AK9: variants seen among roughly 807,000 people sequenced by gnomAD.
The protein encoded by AK9 is adenylate kinase 9.
Under a neutral mutation model 239.6 loss-of-function variants are expected in AK9, and 191 were observed. The observed-to-expected ratio is 0.80, with a 90% CI of 0.71 to 0.90. AK9 has a LOEUF of 0.90. Ranked by LOEUF, AK9 falls within the 40% of genes least tolerant of loss-of-function variation. AK9 has a pLI of 0.00. For synonymous variants in AK9, 689 were observed against 721.0 expected (o/e 0.96, Z 0.71); for missense variants, 1,995 against 2,214.7 (o/e 0.90, Z 1.99).
intron 5 of AK9, among the ~76,000 whole-genome samples, chr6:109,664,693 T>G (rs71541004): frequency 0.58 from 87,930 of 151,062 alleles, 27,237 homozygotes; most frequent in South Asian, 0.84. Flanking sequence ...AAAGTGCTGG[T>G]ATTACAGGCA....
chr6:109,557,630 C>T (rs1785166733), intron 24 of AK9, among the ~76,000 whole-genome samples: 1 of 152,130 alleles, frequency 6.6e-6, no homozygotes, highest in African/African-American at 2.4e-5. Context: ...CTGCAGTCAC[C>T]CCTCCTCCTA....
chr6:109,638,623 G>A, intron 10 of AK9, among the ~76,000 whole-genome samples: 1 of 152,094 alleles, frequency 6.6e-6, no homozygotes, highest in Non-Finnish European at 1.5e-5. Flanking sequence ...GGGACGATGG[G>A]CATGTGCTAT....
At chr6:109,616,897 T>C (rs987162407) in intron 13 of AK9, among the ~76,000 whole-genome samples, 11 of 152,146 alleles carry the variant, frequency 7.2e-5, no homozygotes, top group African/African-American at 2.7e-4. Flanking sequence ...ATTAGCTCTC[T>C]GGAAAACCCA....
rs1288259860 is a variant in AK9 at position 109,660,891 on chromosome 6, A to G, written c.445-1478T>C. On this transcript the variant is annotated intron_variant, in intron 6 of 40. Coordinates refer to ENST00000424296, the MANE Select transcript of AK9 (RefSeq NM_001145128.3). The stretch of plus-strand genomic sequence containing the variant: ...CTGTTGGAACTGGGACCACTCTCTG[A>G]TAACTACTGCTCTAGTAGATTGCTA... 9 of 462,552 alleles carry G rather than the reference A, an allele frequency of 1.9e-5. No individual in the cohort carries two copies. The East Asian group carries it at 4.0e-4, about 20-fold the overall frequency. 28.7% of individuals were successfully genotyped at this position (462,552 alleles called of 1,614,324 possible).
At chr6:109,667,744 A>C (rs1801434539) in intron 5 of AK9, among the ~76,000 whole-genome samples, 1 of 152,134 alleles carries the variant, frequency 6.6e-6, no homozygotes. Context: ...ATCATTTTTT[A>C]TGGCTGCATA....
chr6:109,619,177 T>C lies in AK9; in HGVS notation c.1314A>G (p.Val438=), dbSNP rs767901135. ...CAGTGGCCTCAGCTATGGTATTTTCTACTAATGTTTCACGGGCTTTATCAA... is the reference window on the plus strand; with the variant it reads ...CAGTGGCCTCAGCTATGGTATTTTCCACTAATGTTTCACGGGCTTTATCAA... ...PRFDKARETL[V]ENTIAEATAA... The change falls in exon 13 of 41, where the codon GTA becomes GTG. Residue 438 remains valine (V), a synonymous_variant. Coordinates refer to ENST00000424296, the MANE Select transcript of AK9 (RefSeq NM_001145128.3). 2.1e-5 allele frequency: 33 copies of C among 1,550,580 alleles called. No individual in the cohort carries two copies. Among genetic ancestry groups the C allele is most frequent in the Non-Finnish European group, 2.8e-5 (32 of 1,146,462 alleles).
intron 5 of AK9, among the ~76,000 whole-genome samples, chr6:109,663,485 A>G (rs1800730543): frequency 6.6e-6 from 1 of 152,208 alleles, no homozygotes; most frequent in East Asian, 1.9e-4. Context: ...AACTGATAGC[A>G]TTTGTTGCCA....
chr6:109,570,160 C>T (rs1312837597), intron 21 of AK9, among the ~76,000 whole-genome samples: 1 of 152,092 alleles, frequency 6.6e-6, no homozygotes, highest in African/African-American at 2.4e-5. Context: ...AACCATCATT[C>T]TCAGCAAACT....
At chr6:109,513,421 A>G (rs1778950256) in intron 32 of AK9, among the ~76,000 whole-genome samples, 2 of 152,232 alleles carry the variant, frequency 1.3e-5, no homozygotes, top group African/African-American at 4.8e-5. Context: ...TTATAAAAAT[A>G]CAGGCATTAT....
chr6:109,675,724 C>T lies in AK9; in HGVS notation c.22G>A (p.Glu8Lys), dbSNP rs200865671. The change falls in exon 2 of 41, where the codon GAA becomes AAA. Residue 8 changes from glutamate to lysine, a missense_variant. By Grantham distance (56) the Glu-to-Lys change is moderately conservative. Around this residue, in one of 5 missense-constraint regions of AK9, gnomAD observed 252 missense variants for 246.4 expected, o/e 1.02. Transcript: ENST00000424296. MTSQEKT[E>K]EYPFADIFDE... is the part of the protein sequence containing the mutation. ...AATATATCTGCAAAAGGATACTCTT[C>T]TGTCTTCTCTTGAGAAGTCATGACA... is the stretch of plus-strand genomic sequence containing the variant. 9.5e-6 allele frequency: 15 copies of T among 1,585,284 alleles called. No homozygotes were observed. In the East Asian group the frequency reaches 2.3e-4, roughly 24 times the overall value.
At position 109,610,386 on chromosome 6, in the gene AK9, G is replaced by T. The variant is rs1328816217; in HGVS notation, c.1821C>A (p.Ile607=). The change falls in exon 17 of 41, where the codon ATC becomes ATA. Residue 607 remains isoleucine (I), a synonymous_variant. Coordinates refer to ENST00000424296, the MANE Select transcript of AK9 (RefSeq NM_001145128.3). ...FEQPYEKHAE[I]LQEVLGEVME... is the part of the protein sequence containing the mutation. Reference sequence around the variant, plus strand: ...TTACCTCTCCAAGGACTTCCTGTAAGATTTCAGCATGTTTTTCATATGGCT... The same window carrying T: ...TTACCTCTCCAAGGACTTCCTGTAATATTTCAGCATGTTTTTCATATGGCT... The T allele has an allele frequency of 6.4e-6, 10 of 1,551,512 alleles. No individual in the cohort carries two copies. The highest frequency in any genetic ancestry group is 8.7e-6 in the Non-Finnish European group (10 of 1,146,842).
chr6:109,574,703 T>C (rs555599846), intron 20 of AK9, among the ~76,000 whole-genome samples: 2 of 152,252 alleles, frequency 1.3e-5, no homozygotes, highest in South Asian at 4.1e-4. Flanking sequence ...ATCTGTCTTA[T>C]CTTTTTAAAA....
At chr6:109,626,570 G>A (rs1795549671) in intron 12 of AK9, among the ~76,000 whole-genome samples, 1 of 152,166 alleles carries the variant, frequency 6.6e-6, no homozygotes, top group South Asian at 2.1e-4. Flanking sequence ...AGCATAGAGT[G>A]TACTTACACA....
chr6:109,592,131 T>C (rs1482841676), intron 17 of AK9, among the ~76,000 whole-genome samples: 1 of 152,184 alleles, frequency 6.6e-6, no homozygotes, highest in African/African-American at 2.4e-5. Context: ...TTTTCTAGGA[T>C]TTGACATTTT....
chr6:109,507,056 A>T (rs185958401), intron 33 of AK9, among the ~76,000 whole-genome samples: 1 of 152,258 alleles, frequency 6.6e-6, no homozygotes, highest in East Asian at 1.9e-4. Context: ...GAATTTCTAC[A>T]CTCAGCATGC....
At chr6:109,514,563 A>G in intron 31 of AK9, 126 bp from the exon 32 acceptor site, 1 of 801,566 alleles carries the variant, frequency 1.2e-6, no homozygotes, top group Non-Finnish European at 1.9e-6. Flanking sequence ...AAGAAAACTA[A>G]TTATAATCAA....
chr6:109,586,438 G>A (rs1010104719), intron 17 of AK9, among the ~76,000 whole-genome samples: 1 of 152,076 alleles, frequency 6.6e-6, no homozygotes, highest in Non-Finnish European at 1.5e-5. Flanking sequence ...ACAAAGGGAA[G>A]AACAGACTTT....
In AK9 at chr6:109,674,238, G is replaced by T; in HGVS notation, c.141C>A (p.Ala47=). 6.3e-7 allele frequency: 1 copy of T among 1,586,514 alleles called. No homozygotes were observed. The highest frequency in any genetic ancestry group is 8.6e-7 in the Non-Finnish European group (1 of 1,167,710). ...GKPGVGKTTL[A]RYITQAWKCI... is the part of the protein sequence containing the mutation. ...ATTTCCATGCCTGTGTTATGTAACG[G>T]GCTAATGTTGTTTTCCCAACACCCT... The change falls in exon 3 of 41, where the codon GCC becomes GCA. Residue 47 remains alanine (A), a synonymous_variant. Coordinates refer to ENST00000424296, the MANE Select transcript of AK9 (RefSeq NM_001145128.3).
At chr6:109,650,845 C>A (rs528048952) in intron 8 of AK9, among the ~76,000 whole-genome samples, 6 of 152,182 alleles carry the variant, frequency 3.9e-5, no homozygotes, top group Non-Finnish European at 8.8e-5. Flanking sequence ...TGTCGAACAA[C>A]GACAGACTGG....
Sources: allele counts gnomAD v4.1 joint callset (sites outside exome capture counted in the v4.1 genomes callset), GRCh38; gene constraint gnomAD v4.1.1; regional missense constraint gnomAD v4.1.1; transcripts MANE v1.5; gene names NCBI Gene and HGNC (gene_info 2026-07-23, HGNC 2026-07-21).